The following DIXDC1 variants were observed in gnomAD, a reference collection of about 807,000 sequenced individuals.
The protein encoded by DIXDC1 is DIX domain containing 1.
DIXDC1 carries 64 observed loss-of-function variants against 103.1 expected under a neutral mutation model. The observed-to-expected ratio is 0.62, with a 90% CI of 0.51 to 0.76. The LOEUF is 0.76. DIXDC1 is among the 30% of genes least tolerant of loss of function. DIXDC1 has a pLI of 0.00. For missense variants in DIXDC1, 759 were observed against 834.2 expected, an observed-to-expected ratio of 0.91 and a Z score of 1.11; for synonymous variants, 266 against 298.5, an observed-to-expected ratio of 0.89 and a Z score of 1.12.
upstream of DIXDC1, chr11:111,937,282 G>A (rs1325474877): frequency 7.6e-7 from 1 of 1,307,932 alleles, no homozygotes. Flanking sequence ...CATAGGAACC[G>A]CGACCGCGCC....
At chr11:111,995,203 C>T (rs782343442) in intron 15 of DIXDC1, 95 bp downstream of exon 15, 4 of 1,386,630 alleles carry the variant, frequency 2.9e-6, no homozygotes, top group Non-Finnish European at 4.0e-6. Flanking sequence ...TTTTATATTC[C>T]AGTTCCCTAA....
intron 6 of DIXDC1, 79 bp from the exon 7 acceptor site, chr11:111,982,260 G>T: frequency 1.3e-6 from 2 of 1,505,694 alleles, no homozygotes; most frequent in South Asian, 1.3e-5. Flanking sequence ...CTGAACCTGT[G>T]AACGCTACCC....
chr11:112,005,702 A>G (rs1555176537), intron 17 of DIXDC1, among the ~76,000 whole-genome samples: 1 of 152,168 alleles, frequency 6.6e-6, no homozygotes, highest in East Asian at 1.9e-4. Context: ...AGAGTGAGAC[A>G]CTGTCCTCTC....
In DIXDC1 at chr11:112,019,695, G is replaced by C. The variant is rs1399762899; in HGVS notation, c.*659G>C. 2 of 152,612 alleles carry C rather than the reference G, an allele frequency of 1.3e-5. No individual in the cohort carries two copies. Among genetic ancestry groups the C allele is most frequent in the African/African-American group, 2.4e-5 (1 of 41,444 alleles). 9.5% of individuals were successfully genotyped at this position (152,612 alleles called of 1,614,324 possible). A position where few individuals can be genotyped will look rare whatever the true frequency, so the allele number is the denominator to read the frequency against. ...TTGGGCTGCCTCTTCTGTCTTAACT[G>C]GTTCTGCAGCTTGTCCTTTTGCCCA... On this transcript the variant is annotated 3_prime_UTR_variant, in exon 20 of 20. Transcript: ENST00000440460.
intron 17 of DIXDC1, among the ~76,000 whole-genome samples, chr11:111,999,696 C>T (rs968027527): frequency 6.6e-6 from 1 of 151,910 alleles, no homozygotes; most frequent in African/African-American, 2.4e-5. Flanking sequence ...GAAACCCTGT[C>T]TCTGCTAAAA....
chr11:112,014,715 A>G (rs1861533609), intron 17 of DIXDC1, among the ~76,000 whole-genome samples: 1 of 152,208 alleles, frequency 6.6e-6, no homozygotes, highest in Non-Finnish European at 1.5e-5. Context: ...ATATTCTCAA[A>G]TCGAACACAC....
In DIXDC1 at chr11:111,958,665, A is replaced by G. The variant is rs1859470410; in HGVS notation, c.61-5884A>G. 6.6e-6 allele frequency among the ~76,000 whole-genome samples: 1 copy of G among 152,150 alleles called. No individual in the cohort carries two copies. Among genetic ancestry groups the G allele is most frequent in the African/African-American group, 2.4e-5 (1 of 41,442 alleles). Reference sequence around the variant, plus strand: ...GTGGAAAGGGGCGGGTTCCCGGTGAAGCCCCACCTTCAAACCAGGGAGGCC... The same window carrying G: ...GTGGAAAGGGGCGGGTTCCCGGTGAGGCCCCACCTTCAAACCAGGGAGGCC... On this transcript the variant is annotated intron_variant, in intron 1 of 19. Coordinates refer to ENST00000440460, the MANE Select transcript of DIXDC1 (RefSeq NM_001037954.4). The surrounding 1 kb of genome is among the most constrained non-coding windows in gnomAD (Gnocchi z 4.2).
Position 111,977,368 on chromosome 11 carries a change from C to T in DIXDC1, c.656+2385C>T. 2 of 1,069,746 alleles carry T rather than the reference C, an allele frequency of 1.9e-6. No homozygotes were observed. The highest frequency in any genetic ancestry group is 2.3e-6 in the Non-Finnish European group (2 of 883,264). The allele number at this position is 1,069,746 out of a possible 1,614,324, so 66.3% of individuals were successfully genotyped here. A position where few individuals can be genotyped will look rare whatever the true frequency, so the allele number is the denominator to read the frequency against. ...GGGACTCGAGGCGCAGCCTGCGCCG[C>T]CGGGAGCCTCCCTCCCAGTGGGAGA... On this transcript the variant is annotated intron_variant, in intron 5 of 19. Transcript: ENST00000440460. This position sits in a 1 kb window ranked among gnomAD's most constrained non-coding sequence, Gnocchi z 6.1.
intron 2 of DIXDC1, 41 bp from the exon 3 acceptor site, chr11:111,968,472 A>T: frequency 6.3e-7 from 1 of 1,597,958 alleles, no homozygotes; most frequent in Non-Finnish European, 8.5e-7. Flanking sequence ...CTTTGATAAT[A>T]TTCCTCCCTA....
chr11:111,964,486 G>A, intron 1 of DIXDC1, 63 bp from the exon 2 acceptor site: 3 of 1,540,180 alleles, frequency 1.9e-6, no homozygotes, highest in Non-Finnish European at 2.6e-6. Flanking sequence ...TCCTCAGAGG[G>A]TATGAGGTAA....
intron 5 of DIXDC1, chr11:111,975,363 C>T (rs1219771565): frequency 1.4e-5 from 15 of 1,053,846 alleles, no homozygotes; most frequent in African/African-American, 3.3e-5. Context: ...CTCTTAAGGC[C>T]GGAAAAGTCT....
Position 111,977,576 on chromosome 11 carries a change from C to T in DIXDC1, c.656+2593C>T. On this transcript the variant is annotated intron_variant, in intron 5 of 19. Transcript: ENST00000440460. This position sits in a 1 kb window ranked among gnomAD's most constrained non-coding sequence, Gnocchi z 6.1. ...CCTGGAGCATCCCAGTCGCTGGGGC[C>T]GAGACGCCGCCGCCGCCGCCGTTCC... is the stretch of plus-strand genomic sequence containing the variant. The T allele has an allele frequency of 1.3e-6, 2 of 1,496,646 alleles. No individual in the cohort carries two copies. Among genetic ancestry groups the T allele is most frequent in the South Asian group, 1.3e-5 (1 of 75,898 alleles). The allele number at this position is 1,496,646 out of a possible 1,614,324, so 92.7% of individuals were successfully genotyped here.
Position 112,017,075 on chromosome 11 carries a change from CTTTTT to C in DIXDC1, c.1862+290_1862+294del, listed in dbSNP as rs797040464. On this transcript the variant is annotated intron_variant, in intron 18 of 19. Coordinates refer to ENST00000440460, the MANE Select transcript of DIXDC1 (RefSeq NM_001037954.4). The surrounding 1 kb of genome is among the most constrained non-coding windows in gnomAD (Gnocchi z 4.0). Reference sequence around the variant, plus strand: ...AATATGGCTCTGCATTTGGGAAAATCTTTTTTTTTTTTTTTAAGTGTTCAAAATAG... The same window carrying C: ...AATATGGCTCTGCATTTGGGAAAATCTTTTTTTTTTAAGTGTTCAAAATAG... 1.4e-5 allele frequency among the ~76,000 whole-genome samples: 2 copies of C among 138,248 alleles called. No individual in the cohort carries two copies. Among genetic ancestry groups the C allele is most frequent in the Admixed American group, 7.3e-5 (1 of 13,608 alleles). The allele number at this position is 138,248 out of a possible 152,430, so 90.7% of individuals were successfully genotyped here.
At chr11:111,992,199 T>C (rs1860732136) in intron 10 of DIXDC1, among the ~76,000 whole-genome samples, 2 of 152,150 alleles carry the variant, frequency 1.3e-5, no homozygotes, top group South Asian at 2.1e-4. Flanking sequence ...GTAAGTTTCA[T>C]AGAACAGTGG....
intron 17 of DIXDC1, among the ~76,000 whole-genome samples, chr11:112,012,036 A>T (rs148278536): frequency 1.4e-3 from 216 of 152,372 alleles, no homozygotes; most frequent in African/African-American, 5.0e-3. Context: ...TATACTGACA[A>T]GTATAAAATA....
intron 12 of DIXDC1, 112 bp from the exon 13 acceptor site, chr11:111,993,384 G>A (rs74388902): frequency 1.8e-6 from 2 of 1,087,930 alleles, no homozygotes; most frequent in Non-Finnish European, 1.4e-6. Context: ...TTGAGGAAAG[G>A]ACTTTTTTTC....
chr11:111,948,504 G>A (rs1555169586), intron 1 of DIXDC1, among the ~76,000 whole-genome samples: 1 of 151,720 alleles, frequency 6.6e-6, no homozygotes, highest in Admixed American at 6.6e-5. Flanking sequence ...GCCCATCCTT[G>A]GTTTCCCCTG....
intron 2 of DIXDC1, among the ~76,000 whole-genome samples, chr11:111,968,072 T>G (rs1047473106): frequency 3.3e-5 from 5 of 152,252 alleles, no homozygotes; most frequent in Non-Finnish European, 7.3e-5. Context: ...ATGATCACTG[T>G]ACTTTATTTT....
At chr11:111,957,053 G>A (rs2137488909) in intron 1 of DIXDC1, among the ~76,000 whole-genome samples, 1 of 152,070 alleles carries the variant, frequency 6.6e-6, no homozygotes, top group East Asian at 1.9e-4. Flanking sequence ...CATGCCTGTA[G>A]TCCCAGCTAC....
Sources: allele counts gnomAD v4.1 joint callset (sites outside exome capture counted in the v4.1 genomes callset), GRCh38; gene constraint gnomAD v4.1.1; non-coding constraint Gnocchi (gnomAD v3.1); transcripts MANE v1.5; gene names NCBI Gene and HGNC (gene_info 2026-07-23, HGNC 2026-07-21).